The following KLHL29 variants were observed in gnomAD, a reference collection of about 807,000 sequenced individuals.
KLHL29 encodes kelch like family member 29, also known as kelch-like protein 29.
KLHL29 carries 21 observed loss-of-function variants against 80.4 expected under a neutral mutation model. The observed-to-expected ratio is 0.26, with a 90% confidence interval of 0.19 to 0.38. The LOEUF (loss-of-function observed/expected upper bound fraction) is 0.38. KLHL29 is among the 10% of genes least tolerant of loss of function. The pLI is 1.00. For synonymous variants in KLHL29, 511 were observed against 526.8 expected, an observed-to-expected ratio of 0.97 and a Z score of 0.41; for missense variants, 867 against 1,223.9, an observed-to-expected ratio of 0.71 and a Z score of 4.35.
At chr2:23,469,810 G>A (rs1469098708) in intron 1 of KLHL29, among the ~76,000 whole-genome samples, 1 of 152,082 alleles carries the variant, frequency 6.6e-6, no homozygotes, top group Non-Finnish European at 1.5e-5. Context: ...GGTGAGTCAA[G>A]CTTTGGTAGG....
chr2:23,475,052 T>G (rs191470230), intron 1 of KLHL29, among the ~76,000 whole-genome samples: 4 of 152,244 alleles, frequency 2.6e-5, no homozygotes, highest in Admixed American at 2.6e-4. Context: ...ATTCTTTGCC[T>G]CCTCAAGGTC....
intron 1 of KLHL29, among the ~76,000 whole-genome samples, chr2:23,411,316 GTGT>G (rs1666853086): frequency 6.6e-6 from 1 of 151,734 alleles, no homozygotes. Context: ...GTCAGAGGAA[GTGT>G]TGTGGGAATG....
chr2:23,537,471 C>T (rs1232985746), intron 2 of KLHL29, among the ~76,000 whole-genome samples: 17 of 135,800 alleles, frequency 1.3e-4, no homozygotes, highest in East Asian at 4.0e-4. Flanking sequence ...CACACAGGCA[C>T]GCACACGCTT....
chr2:23,417,214 C>T (rs2103399001), intron 1 of KLHL29, among the ~76,000 whole-genome samples: 1 of 152,234 alleles, frequency 6.6e-6, no homozygotes, highest in Middle Eastern at 3.4e-3. Flanking sequence ...CCTTTTAACT[C>T]ATCTCCTGGC....
chr2:23,613,531 T>C lies in KLHL29; in HGVS notation c.286-25608T>C, dbSNP rs1016299960. ...CTGTGATCCCAGCACTTTGGGAGGC[T>C]GAGGTGGGCGGATCACAAGGTCAGG... On this transcript the variant is annotated intron_variant, in intron 3 of 13. Transcript: ENST00000486442. Among the ~76,000 whole-genome samples, 7 of 152,224 alleles carry C rather than the reference T, an allele frequency of 4.6e-5. No homozygotes were observed. The East Asian group carries it at 1.2e-3, about 25-fold the overall frequency.
intron 3 of KLHL29, among the ~76,000 whole-genome samples, chr2:23,597,419 T>TC: frequency 1.1e-5 from 1 of 88,482 alleles, no homozygotes; most frequent in African/African-American, 4.5e-5. Context: ...TTTTTTTTTT[T>TC]TTTTTTTTTT....
chr2:23,469,795 C>G (rs1366121267), intron 1 of KLHL29, among the ~76,000 whole-genome samples: 1 of 152,116 alleles, frequency 6.6e-6, no homozygotes, highest in Admixed American at 6.5e-5. Context: ...TTCAGTGCTG[C>G]TGTGGGTGAG....
intron 2 of KLHL29, among the ~76,000 whole-genome samples, chr2:23,481,181 G>T (rs939202204): frequency 6.6e-6 from 1 of 152,218 alleles, no homozygotes; most frequent in Non-Finnish European, 1.5e-5. Flanking sequence ...TTTTTGTAAA[G>T]CTCCCCAGGT....
At chr2:23,531,990 C>T (rs745625120) in intron 2 of KLHL29, among the ~76,000 whole-genome samples, 7 of 152,204 alleles carry the variant, frequency 4.6e-5, no homozygotes, top group African/African-American at 1.4e-4. Context: ...GGGACCTCAA[C>T]GGGACGACCA....
intron 3 of KLHL29, among the ~76,000 whole-genome samples, chr2:23,625,646 G>T (rs963415936): frequency 6.6e-6 from 1 of 152,206 alleles, no homozygotes; most frequent in African/African-American, 2.4e-5. Context: ...CAGGCGGATC[G>T]ATCTCCACTC....
chr2:23,486,024 C>T (rs111759698), intron 2 of KLHL29, among the ~76,000 whole-genome samples: 2 of 152,290 alleles, frequency 1.3e-5, no homozygotes, highest in African/African-American at 2.4e-5. Flanking sequence ...GCCCACCTCC[C>T]ACCCTCACCT....
At chr2:23,542,684 G>A (rs1265436614) in intron 2 of KLHL29, among the ~76,000 whole-genome samples, 1 of 152,224 alleles carries the variant, frequency 6.6e-6, no homozygotes. Context: ...GAGAGAGATC[G>A]TTCTTGCAGA....
At chr2:23,631,392 G>A (rs485251) in intron 3 of KLHL29, among the ~76,000 whole-genome samples, 127,530 of 152,322 alleles carry the variant, frequency 0.84, 53,728 homozygotes, top group East Asian at 1. Context: ...TTAGCAGCAA[G>A]TTGATAGAGA....
intron 2 of KLHL29, among the ~76,000 whole-genome samples, chr2:23,504,484 G>A (rs1488213812): frequency 6.6e-6 from 1 of 152,182 alleles, no homozygotes; most frequent in Non-Finnish European, 1.5e-5. Context: ...CAGCAAAGGC[G>A]GCTGTCTGGA....
rs181427063 is a variant in KLHL29, at chr2:23,664,924, A to G, written c.941-19475A>G. Among the ~76,000 whole-genome samples, 414 of 152,360 alleles carry G rather than the reference A, an allele frequency of 2.7e-3. 1 individual carries two copies. The highest frequency in any genetic ancestry group is 9.5e-3 in the African/African-American group (396 of 41,592). Reference sequence around the variant, plus strand: ...TGACGGGAGCCATAGGGAATCTCCCAAACAGCCTAGAAAAGCTGAGGAGGT... The same window carrying G: ...TGACGGGAGCCATAGGGAATCTCCCGAACAGCCTAGAAAAGCTGAGGAGGT... On this transcript the variant is annotated intron_variant, in intron 5 of 13. Coordinates refer to ENST00000486442, the MANE Select transcript of KLHL29 (RefSeq NM_052920.2).
chr2:23,647,028 G>T lies in KLHL29; in HGVS notation c.940+4178G>T, dbSNP rs1669953739. ...AGAGAAGGAGGCTAGGGAAGGGGCA[G>T]AAGGCCAGGCCCTCCCCAGCGCAGA... is the stretch of plus-strand genomic sequence containing the variant. On this transcript the variant is annotated intron_variant, in intron 5 of 13. Coordinates refer to ENST00000486442, the MANE Select transcript of KLHL29 (RefSeq NM_052920.2). The surrounding 1 kb of genome is among the most constrained non-coding windows in gnomAD (Gnocchi z 4.9). Among the ~76,000 whole-genome samples, 1 of 152,234 alleles carries T rather than the reference G, an allele frequency of 6.6e-6. No individual in the cohort carries two copies. Among genetic ancestry groups the T allele is most frequent in the Admixed American group, 6.5e-5 (1 of 15,290 alleles).
chr2:23,405,811 A>T (rs940926063), intron 1 of KLHL29, among the ~76,000 whole-genome samples: 4 of 152,178 alleles, frequency 2.6e-5, no homozygotes, highest in Non-Finnish European at 2.9e-5. Context: ...ATGGTTTTGG[A>T]GGTCAAGCAG....
At chr2:23,536,877 C>A (rs529364701) in intron 2 of KLHL29, among the ~76,000 whole-genome samples, 7 of 146,802 alleles carry the variant, frequency 4.8e-5, no homozygotes, top group Non-Finnish European at 1.0e-4. Context: ...AACGAAATAG[C>A]GAAAGACAGA....
intron 3 of KLHL29, among the ~76,000 whole-genome samples, chr2:23,620,599 G>A (rs1299740581): frequency 6.6e-6 from 1 of 152,138 alleles, no homozygotes; most frequent in Non-Finnish European, 1.5e-5. Flanking sequence ...CCCAGGATGG[G>A]GAGGGAGAGA....
Sources: gnomAD v4.1 joint callset for allele counts (sites outside exome capture counted in the v4.1 genomes callset) on GRCh38, gnomAD v4.1.1 for gene constraint, Gnocchi (gnomAD v3.1) non-coding constraint, MANE v1.5 for transcripts, NCBI Gene and HGNC (gene_info 2026-07-23, HGNC 2026-07-21) for gene names.